FER1L6: variants seen among roughly 807,000 people sequenced by gnomAD.
FER1L6 encodes fer-1 like family member 6.
A neutral mutation model predicts 219.2 loss-of-function variants in FER1L6; 177 were observed. The observed-to-expected ratio is 0.81, with a 90% confidence interval of 0.71 to 0.91. The LOEUF is 0.91. Ranked by LOEUF, FER1L6 falls within the 40% of genes least tolerant of loss-of-function variation. FER1L6 has a pLI of 0.00. For missense variants in FER1L6, 2,153 were observed against 2,259.9 expected (o/e 0.95, Z 0.96); for synonymous variants, 768 against 824.3 (o/e 0.93, Z 1.17).
chr8:123,951,790 C>T (rs77499953), intron 1 of FER1L6, among the ~76,000 whole-genome samples: 3,318 of 152,342 alleles, frequency 0.022, 89 homozygotes, highest in African/African-American at 0.07. Context: ...TCCCCAGCCC[C>T]GTACTGGGTG....
chr8:123,957,330 G>A (rs1430858160), intron 2 of FER1L6, among the ~76,000 whole-genome samples: 2 of 152,198 alleles, frequency 1.3e-5, no homozygotes, highest in African/African-American at 2.4e-5. Context: ...AAGCTTAAAA[G>A]TCCTTGTTGA....
intron 1 of FER1L6, among the ~76,000 whole-genome samples, chr8:123,911,536 A>C (rs981439972): frequency 1.3e-5 from 2 of 152,162 alleles, no homozygotes; most frequent in African/African-American, 4.8e-5. Context: ...AGCTTGATCA[A>C]AGGCAAACAG....
At chr8:123,868,215 G>C (rs1816869956) in intron 1 of FER1L6, among the ~76,000 whole-genome samples, 1 of 152,144 alleles carries the variant, frequency 6.6e-6, no homozygotes. Flanking sequence ...AGGCGAGTAG[G>C]CTACTTAGAT....
Position 123,948,488 on chromosome 8 carries a change from TATTC to T in FER1L6, c.-7-7493_-7-7490del, listed in dbSNP as rs1246205820. Among the ~76,000 whole-genome samples the T allele has an allele frequency of 3.3e-5, 5 of 152,370 alleles. No homozygotes were observed. The East Asian group carries it at 9.6e-4, about 29-fold the overall frequency. On this transcript the variant is annotated intron_variant, in intron 1 of 40. Transcript: ENST00000522917. ...CACTTTCCAATCTACAAGCATGGAA[TATTC>T]ATTCATTCATCTTATTTTGTAATTT...
chr8:124,032,656 G>A (rs1819023114), intron 18 of FER1L6, among the ~76,000 whole-genome samples: 1 of 150,654 alleles, frequency 6.6e-6, no homozygotes, highest in South Asian at 2.1e-4. Context: ...TGGGAGGATG[G>A]CTTGAGCCCA....
intron 10 of FER1L6, 129 bp downstream of exon 10, chr8:123,977,738 A>T (rs1260012307): frequency 2.5e-6 from 2 of 797,276 alleles, no homozygotes; most frequent in African/African-American, 1.7e-5. Context: ...TTTATGGAAG[A>T]CTATTTTTCC....
intron 1 of FER1L6, among the ~76,000 whole-genome samples, chr8:123,955,753 G>A (rs1023287326): frequency 1.3e-5 from 2 of 152,172 alleles, no homozygotes; most frequent in African/African-American, 4.8e-5. Context: ...CCTCGCCTAC[G>A]TGCAATTCCA....
intron 18 of FER1L6, among the ~76,000 whole-genome samples, chr8:124,025,216 T>G (rs201779405): frequency 1.3e-5 from 2 of 151,436 alleles, no homozygotes; most frequent in African/African-American, 2.4e-5. Context: ...TACAATTTAT[T>G]TTTTTGTTGC....
chr8:123,960,424 G>A (rs1815218674), intron 2 of FER1L6, among the ~76,000 whole-genome samples: 1 of 152,170 alleles, frequency 6.6e-6, no homozygotes, highest in South Asian at 2.1e-4. Flanking sequence ...AGAGGAAAAT[G>A]TTATAAGGGT....
chr8:123,906,239 G>T (rs1812950437), intron 1 of FER1L6, among the ~76,000 whole-genome samples: 1 of 152,124 alleles, frequency 6.6e-6, no homozygotes, highest in African/African-American at 2.4e-5. Flanking sequence ...CCTTCAGTTG[G>T]CCAATTCTCA....
At chr8:124,004,997 C>CAAAA (rs1358187234) in intron 13 of FER1L6, among the ~76,000 whole-genome samples, 7 of 120,078 alleles carry the variant, frequency 5.8e-5, no homozygotes, top group Non-Finnish European at 1.1e-4. Flanking sequence ...GACTCTGTCT[C>CAAAA]AAAAAAAAAA....
intron 31 of FER1L6, among the ~76,000 whole-genome samples, chr8:124,075,110 AAC>A (rs1324118169): frequency 2.0e-5 from 3 of 152,286 alleles, no homozygotes; most frequent in African/African-American, 7.2e-5. Flanking sequence ...CTAAATTTAT[AAC>A]ACACATTTTT....
intron 1 of FER1L6, among the ~76,000 whole-genome samples, chr8:123,933,886 G>C (rs532093621): frequency 1.3e-5 from 2 of 152,082 alleles, no homozygotes; most frequent in Non-Finnish European, 2.9e-5. Flanking sequence ...TTTCAAGATA[G>C]AGTAATAAAC....
At chr8:123,895,463 A>G (rs934981813) in intron 1 of FER1L6, among the ~76,000 whole-genome samples, 5 of 152,188 alleles carry the variant, frequency 3.3e-5, no homozygotes, top group Non-Finnish European at 7.3e-5. Context: ...AATCTTCATA[A>G]CAACCCCATG....
intron 16 of FER1L6, 38 bp downstream of exon 16, chr8:124,017,756 A>G (rs1249483972): frequency 6.5e-7 from 1 of 1,546,678 alleles, no homozygotes; most frequent in East Asian, 2.2e-5. Context: ...GGACAGAGTT[A>G]AAAATAAACC....
chr8:124,080,569 C>T (rs1026460350), intron 32 of FER1L6, among the ~76,000 whole-genome samples: 6 of 152,160 alleles, frequency 3.9e-5, no homozygotes, highest in Admixed American at 6.5e-5. Context: ...CCACCTGCCT[C>T]GGCCTCCCAA....
intron 13 of FER1L6, among the ~76,000 whole-genome samples, chr8:124,009,097 G>A (rs1400556450): frequency 6.6e-6 from 1 of 152,078 alleles, no homozygotes; most frequent in Admixed American, 6.5e-5. Flanking sequence ...AATGTAAACT[G>A]GTACAACCAC....
At chr8:123,970,719 C>T (rs1815765867) in intron 6 of FER1L6, among the ~76,000 whole-genome samples, 1 of 152,102 alleles carries the variant, frequency 6.6e-6, no homozygotes, top group African/African-American at 2.4e-5. Context: ...AGGGGAAGTG[C>T]AGATACAGAG....
intron 1 of FER1L6, among the ~76,000 whole-genome samples, chr8:123,938,547 T>A (rs1020161239): frequency 4.3e-5 from 6 of 139,210 alleles, no homozygotes; most frequent in Non-Finnish European, 7.6e-5. Context: ...TGAAATTTTT[T>A]TTTTTTTTTT....
Sources: gnomAD v4.1 joint callset for allele counts (sites outside exome capture counted in the v4.1 genomes callset) on GRCh38, gnomAD v4.1.1 for gene constraint, MANE v1.5 for transcripts, NCBI Gene and HGNC (gene_info 2026-07-23, HGNC 2026-07-21) for gene names.